Variants in NRAP observed in about 807,000 individuals in gnomAD.
The protein encoded by NRAP is nebulin related anchoring protein.
NRAP carries 189 observed loss-of-function variants against 225.9 expected under a neutral mutation model. The ratio of observed to expected loss-of-function variants is 0.84; its 90% CI spans 0.74 to 0.94. The LOEUF is 0.94. NRAP is among the 40% of genes least tolerant of loss of function. NRAP has a pLI of 0.00. For synonymous variants in NRAP, 769 were observed against 790.7 expected (o/e 0.97, Z 0.46); for missense variants, 2,176 against 2,168.7 (o/e 1.00, Z -0.07).
At position 113,622,085 on chromosome 10, in the gene NRAP, C is replaced by T; in HGVS notation, c.2553G>A (p.Met851Ile). Residue 851 changes from methionine (M) to isoleucine (I), a missense_variant, in exon 24 of 42, where the codon ATG becomes ATA. Met to Ile is a conservative substitution (Grantham distance 10). This residue lies in a region of NRAP where 1,708 missense variants were observed against 1,695.5 expected (regional missense o/e 1.01). Coordinates refer to ENST00000359988, the MANE Select transcript of NRAP (RefSeq NM_198060.4). ...ACTCCAGCTCACTCTGCAGCTTGGA[C>T]ATTTGCAGTGAGTGGCTCATTTGCG... ...GDSQMSHSLQ[M>I]SKLQSELEYK... is the part of the protein sequence containing the mutation. 1.2e-6 allele frequency: 2 copies of T among 1,614,166 alleles called. No homozygotes were observed. Among genetic ancestry groups the T allele is most frequent in the East Asian group, 2.2e-5 (1 of 44,886 alleles).
At chr10:113,642,424 G>C (rs746022117) in intron 12 of NRAP, among the ~76,000 whole-genome samples, 3 of 152,062 alleles carry the variant, frequency 2.0e-5, no homozygotes, top group Non-Finnish European at 2.9e-5. Context: ...ATACTATCTA[G>C]TATAGGTCTT....
chr10:113,611,481 G>A (rs1847319165), intron 30 of NRAP, among the ~76,000 whole-genome samples: 3 of 152,192 alleles, frequency 2.0e-5, no homozygotes, highest in Non-Finnish European at 2.9e-5. Flanking sequence ...GGATGTGGAT[G>A]CCTGTTGGGA....
chr10:113,591,308 G>A (rs1222173981), intron 39 of NRAP, among the ~76,000 whole-genome samples: 1 of 152,196 alleles, frequency 6.6e-6, no homozygotes, highest in Non-Finnish European at 1.5e-5. Context: ...CTAGTCCAGT[G>A]CTCCTCAAAC....
chr10:113,636,604 G>A (rs984053124), intron 14 of NRAP, among the ~76,000 whole-genome samples: 2 of 152,194 alleles, frequency 1.3e-5, no homozygotes, highest in African/African-American at 4.8e-5. Flanking sequence ...GCAACAAATA[G>A]GGCGTACAGA....
At chr10:113,615,023 A>G in intron 27 of NRAP, 77 bp from the exon 28 acceptor site, 2 of 919,422 alleles carry the variant, frequency 2.2e-6, no homozygotes. Flanking sequence ...CCAAATTGGC[A>G]ATCTGGTTTG....
intron 4 of NRAP, among the ~76,000 whole-genome samples, chr10:113,657,131 G>T (rs1341530793): frequency 6.6e-6 from 1 of 152,100 alleles, no homozygotes; most frequent in Non-Finnish European, 1.5e-5. Context: ...GCCTCGTAAA[G>T]GTCCAGGCAG....
chr10:113,605,759 C>A lies in NRAP; in HGVS notation c.3915+3G>T. Reference sequence around the variant, plus strand: ...AGATGGAAGGTCATATCATTCAACTCACATCACTGGCTATATCTCCAGAGG... The same window carrying A: ...AGATGGAAGGTCATATCATTCAACTAACATCACTGGCTATATCTCCAGAGG... On this transcript the variant is annotated splice_donor_region_variant and intron_variant, in intron 34 of 41. Transcript: ENST00000359988. 6.3e-7 allele frequency: 1 copy of A among 1,584,940 alleles called. No homozygotes were observed. The highest frequency in any genetic ancestry group is 1.7e-5 in the Admixed American group (1 of 59,888).
intron 7 of NRAP, among the ~76,000 whole-genome samples, chr10:113,651,484 G>A (rs1297209220): frequency 2.0e-5 from 3 of 152,052 alleles, no homozygotes; most frequent in African/African-American, 7.2e-5. Flanking sequence ...TCCTGATGCT[G>A]TCCCTCCCCT....
At chr10:113,649,999 TG>T in intron 9 of NRAP, 37 bp downstream of exon 9, 3 of 1,199,710 alleles carry the variant, frequency 2.5e-6, no homozygotes, top group Non-Finnish European at 3.7e-6. Flanking sequence ...GGGCCAAACA[TG>T]GAAAAGAGCA....
intron 27 of NRAP, 112 bp from the exon 28 acceptor site, chr10:113,615,058 C>G: frequency 2.8e-6 from 2 of 703,374 alleles, no homozygotes; most frequent in Admixed American, 4.1e-5. Flanking sequence ...CCTCCCCTGG[C>G]CAGTTGGAGT....
rs373874061 is a variant in NRAP, at chr10:113,659,268, A to C, written c.256-1694T>G. On this transcript the variant is annotated intron_variant, in intron 3 of 41. Coordinates refer to ENST00000359988, the MANE Select transcript of NRAP (RefSeq NM_198060.4). ...TTTGTTGTGGAGTACTGGCTCGGGCATAGCAAGATGTTTAAGAGCATCCCA... is the reference window on the plus strand; with the variant it reads ...TTTGTTGTGGAGTACTGGCTCGGGCCTAGCAAGATGTTTAAGAGCATCCCA... Among the ~76,000 whole-genome samples the C allele has an allele frequency of 3.0e-4, 45 of 152,274 alleles. 1 individual carries two copies. The Middle Eastern group carries it at 0.017, about 58-fold the overall frequency.
chr10:113,603,816 G>T (rs1405770106), intron 35 of NRAP, among the ~76,000 whole-genome samples: 1 of 152,010 alleles, frequency 6.6e-6, no homozygotes, highest in African/African-American at 2.4e-5. Flanking sequence ...TTTCCTTAAG[G>T]CTCTTGCTCA....
At chr10:113,609,773 G>A (rs1287604658) in intron 31 of NRAP, among the ~76,000 whole-genome samples, 1 of 152,122 alleles carries the variant, frequency 6.6e-6, no homozygotes, top group African/African-American at 2.4e-5. Flanking sequence ...GTGCTGGCCT[G>A]GAATGTCAAT....
chr10:113,633,276 T>C, intron 15 of NRAP, 88 bp from the exon 16 acceptor site: 3 of 748,742 alleles, frequency 4.0e-6, no homozygotes, highest in South Asian at 1.5e-5. Context: ...CTTAGACCCA[T>C]AGTTGAGAAG....
rs34700024 is a variant in NRAP at position 113,654,092 on chromosome 10, C to A, written c.394G>T (p.Ala132Ser). The A allele has an allele frequency of 1.2e-3, 1,989 of 1,613,642 alleles. 26 individuals carry two copies. The African/African-American group carries it at 0.024, about 20-fold the overall frequency. Residue 132 changes from alanine to serine, a missense_variant, in exon 5 of 42, where the codon GCT (alanine) becomes TCT (serine). Ala to Ser is a moderately conservative substitution (Grantham distance 99). Coordinates refer to ENST00000359988, the MANE Select transcript of NRAP (RefSeq NM_198060.4). ...AYWTGYGEGN[A>S]WCPGALPDPE... ...TCTGGCAGAGCTCCTGGGCACCAAGCATTCCCTTCCCCATATCCAGTCCAA... is the reference window on the plus strand; with the variant it reads ...TCTGGCAGAGCTCCTGGGCACCAAGAATTCCCTTCCCCATATCCAGTCCAA...
chr10:113,645,390 T>A (rs945720393), intron 11 of NRAP, among the ~76,000 whole-genome samples: 4 of 149,826 alleles, frequency 2.7e-5, no homozygotes, highest in Non-Finnish European at 5.9e-5. Context: ...AACCAATGGG[T>A]AGAATAGGTG....
chr10:113,642,663 G>A (rs1814668858), intron 12 of NRAP, among the ~76,000 whole-genome samples: 2 of 152,158 alleles, frequency 1.3e-5, no homozygotes, highest in South Asian at 4.1e-4. Context: ...ACTATGAGCT[G>A]GGCACTGTGC....
chr10:113,662,779 G>T lies in NRAP; in HGVS notation c.168-13C>A, dbSNP rs536379668. Reference sequence around the variant, plus strand: ...CTTAGGGTTATGGCTACAACAAATAGGTATAAATCAAAATTAGAAATGTAC... The same window carrying T: ...CTTAGGGTTATGGCTACAACAAATATGTATAAATCAAAATTAGAAATGTAC... On this transcript the variant is annotated splice_polypyrimidine_tract_variant and intron_variant, in intron 2 of 41. Transcript: ENST00000359988. 1.3e-5 allele frequency: 18 copies of T among 1,398,360 alleles called. No individual in the cohort carries two copies. Among genetic ancestry groups the T allele is most frequent in the Non-Finnish European group, 1.3e-5 (13 of 993,566 alleles). 86.6% of individuals were successfully genotyped at this position (1,398,360 alleles called of 1,614,324 possible). A position where few individuals can be genotyped will look rare whatever the true frequency, so the allele number is the denominator to read the frequency against.
Position 113,645,956 on chromosome 10 carries a change from A to C in NRAP, c.994-15T>G. ...CTGTATTTTATCTGAAAAAAAAAAC[A>C]CAAAACGGGGCTGGAGTTGATGTTT... On this transcript the variant is annotated splice_polypyrimidine_tract_variant and intron_variant, in intron 10 of 41. Coordinates refer to ENST00000359988, the MANE Select transcript of NRAP (RefSeq NM_198060.4). 1.5e-6 allele frequency: 2 copies of C among 1,347,474 alleles called. No individual in the cohort carries two copies. The highest frequency in any genetic ancestry group is 1.0e-6 in the Non-Finnish European group (1 of 961,688). The allele number at this position is 1,347,474 out of a possible 1,614,324, so 83.5% of individuals were successfully genotyped here. A position where few individuals can be genotyped will look rare whatever the true frequency, so the allele number is the denominator to read the frequency against.
Sources: allele counts gnomAD v4.1 joint callset (sites outside exome capture counted in the v4.1 genomes callset), GRCh38; gene constraint gnomAD v4.1.1; regional missense constraint gnomAD v4.1.1; transcripts MANE v1.5; gene names NCBI Gene and HGNC (gene_info 2026-07-23, HGNC 2026-07-21).